SKP1: variants seen among roughly 807,000 people sequenced by gnomAD.
SKP1 encodes S-phase kinase associated protein 1.
In SKP1, 1 loss-of-function variant was observed where a neutral mutation model predicts 21.5. The ratio of observed to expected loss-of-function variants is 0.05; its 90% CI spans 0.02 to 0.22. SKP1 has a LOEUF of 0.22. Ranked by LOEUF, SKP1 falls within the 10% of genes least tolerant of loss-of-function variation. SKP1 has a pLI of 1.00. For missense variants in SKP1, 70 were observed against 192.0 expected (o/e 0.36, Z 3.76); for synonymous variants, 59 against 59.3 (o/e 0.99, Z 0.03).
intron 2 of SKP1, among the ~76,000 whole-genome samples, chr5:134,168,654 G>A (rs1040277044): frequency 5.9e-5 from 9 of 152,128 alleles, no homozygotes; most frequent in African/African-American, 1.9e-4. Flanking sequence ...TAGCTAAGGA[G>A]GTGGTAAGAA....
intron 3 of SKP1, among the ~76,000 whole-genome samples, chr5:134,164,575 T>C (rs920239115): frequency 6.6e-6 from 1 of 152,144 alleles, no homozygotes; most frequent in Non-Finnish European, 1.5e-5. Context: ...AGCTTTTGGA[T>C]GGCATTTGAA....
At position 134,173,924 on chromosome 5, in the gene SKP1, A is replaced by G. The variant is rs776917520; in HGVS notation, c.97+2T>C. 1 of 1,554,580 alleles carries G rather than the reference A, an allele frequency of 6.4e-7. No homozygotes were observed. The highest frequency in any genetic ancestry group is 2.2e-5 in the East Asian group (1 of 44,572). ...CCCACCCAGGTTTTCCAATGAACTT[A>G]CCTTCCAACATGGTCTTAATAGTCA... is the stretch of plus-strand genomic sequence containing the variant. On this transcript the variant is annotated splice_donor_variant, in intron 2 of 5. Coordinates refer to ENST00000353411, the MANE Select transcript of SKP1 (RefSeq NM_170679.3). LOFTEE classifies it high-confidence loss of function.
At chr5:134,157,848 C>G in intron 5 of SKP1, 80 bp from the exon 6 acceptor site, 1 of 1,610,648 alleles carries the variant, frequency 6.2e-7, no homozygotes, top group Non-Finnish European at 8.5e-7. Context: ...ACTGATTCAT[C>G]GATAGCCAGT....
At chr5:134,165,316 G>A (rs1182090018) in intron 3 of SKP1, among the ~76,000 whole-genome samples, 1 of 152,144 alleles carries the variant, frequency 6.6e-6, no homozygotes, top group Non-Finnish European at 1.5e-5. Context: ...AATGTAAATG[G>A]CCAGTAACAC....
At chr5:134,171,045 G>A in intron 2 of SKP1, 1 of 456,138 alleles carries the variant, frequency 2.2e-6, no homozygotes, top group Non-Finnish European at 4.4e-6. Flanking sequence ...GTGACTGTGG[G>A]ATGTACCAAG....
At position 134,151,646 on chromosome 5, in the gene SKP1, A is replaced by T; in HGVS notation, c.*6087T>A. 2.2e-6 allele frequency: 1 copy of T among 456,234 alleles called. No homozygotes were observed. The highest frequency in any genetic ancestry group is 6.9e-5 in the East Asian group (1 of 14,402). 28.3% of individuals were successfully genotyped at this position (456,234 alleles called of 1,614,324 possible). A position where few individuals can be genotyped will look rare whatever the true frequency, so the allele number is the denominator to read the frequency against. On this transcript the variant is annotated 3_prime_UTR_variant, in exon 6 of 6. Transcript: ENST00000353411. ...TATCAGAAGGTCTGAATATACTTAA[A>T]TACTTCCAGAAAATTTAAAGTTGAC...
chr5:134,167,121 TGGTGTTATATATTAAGCA>T, intron 3 of SKP1, 31 bp downstream of exon 3: 1 of 862,024 alleles, frequency 1.2e-6, no homozygotes, highest in Non-Finnish European at 1.9e-6. Flanking sequence ...ATTAATCAAT[TGGTGTTATATATTAAGCA>T]GAATAAACTT....
Position 134,150,906 on chromosome 5 carries a change from G to GTTCACA in SKP1, c.*6821_*6826dup, listed in dbSNP as rs1347381537. ...AACAGGAAACATAGATGGTGGGGAT[G>GTTCACA]TTCACATACACAGTCCCTTAGAATA... On this transcript the variant is annotated 3_prime_UTR_variant, in exon 6 of 6. Coordinates refer to ENST00000353411, the MANE Select transcript of SKP1 (RefSeq NM_170679.3). The GTTCACA allele has an allele frequency of 2.6e-5, 4 of 152,250 alleles. No individual in the cohort carries two copies. Among genetic ancestry groups the GTTCACA allele is most frequent in the Admixed American group, 1.3e-4 (2 of 15,286 alleles). The allele number at this position is 152,250 out of a possible 1,614,324, so 9.4% of individuals were successfully genotyped here.
At position 134,175,446 on chromosome 5, in the gene SKP1, G is replaced by A. The variant is rs201777463; in HGVS notation, c.-1+1409C>T. 1.8e-4 allele frequency: 27 copies of A among 152,060 alleles called. No homozygotes were observed. The East Asian group carries it at 5.2e-3, about 29-fold the overall frequency. The allele number at this position is 152,060 out of a possible 1,614,324, so 9.4% of individuals were successfully genotyped here. A position where few individuals can be genotyped will look rare whatever the true frequency, so the allele number is the denominator to read the frequency against. ...TTCCTGTGACAAGACCACAACAAAA[G>A]GTATCTCCAAAAGAAAATATTTTAA... On this transcript the variant is annotated intron_variant, in intron 1 of 5. Coordinates refer to ENST00000353411, the MANE Select transcript of SKP1 (RefSeq NM_170679.3).
chr5:134,171,703 CT>C (rs1389142051), intron 2 of SKP1, among the ~76,000 whole-genome samples: 5 of 152,214 alleles, frequency 3.3e-5, no homozygotes, highest in Admixed American at 3.3e-4. Flanking sequence ...ACCCTGTCTA[CT>C]TTACTTCAGA....
In SKP1 at chr5:134,160,977, A is replaced by G; in HGVS notation, c.315+10T>C. 1 of 1,605,806 alleles carries G rather than the reference A, an allele frequency of 6.2e-7. No homozygotes were observed. Among genetic ancestry groups the G allele is most frequent in the Non-Finnish European group, 8.5e-7 (1 of 1,175,006 alleles). Reference sequence around the variant, plus strand: ...CTAGAGTAGAGCTATCTTACACATTAAAAACTTACCAGAATGAGTTCAAAA... The same window carrying G: ...CTAGAGTAGAGCTATCTTACACATTGAAAACTTACCAGAATGAGTTCAAAA... On this transcript the variant is annotated intron_variant, in intron 4 of 5. Transcript: ENST00000353411.
intron 4 of SKP1, among the ~76,000 whole-genome samples, chr5:134,160,127 AGGTG>A (rs566096335): frequency 3.2e-3 from 481 of 151,778 alleles, no homozygotes; most frequent in African/African-American, 0.011. Flanking sequence ...AGGCCTAGGT[AGGTG>A]GATCACCTGA....
chr5:134,171,288 G>A (rs1761435757), intron 2 of SKP1, among the ~76,000 whole-genome samples: 1 of 152,032 alleles, frequency 6.6e-6, no homozygotes, highest in Non-Finnish European at 1.5e-5. Flanking sequence ...AAATCCTAAG[G>A]ACCAGTCTAC....
intron 2 of SKP1, among the ~76,000 whole-genome samples, chr5:134,173,049 G>A (rs1761475871): frequency 6.6e-6 from 1 of 150,846 alleles, no homozygotes; most frequent in Admixed American, 6.6e-5. Flanking sequence ...AAAATCAGCT[G>A]GGGCAGGGCG....
chr5:134,159,449 C>T (rs1322082633), intron 4 of SKP1, among the ~76,000 whole-genome samples: 1 of 152,114 alleles, frequency 6.6e-6, no homozygotes, highest in Non-Finnish European at 1.5e-5. Flanking sequence ...GGCGTGATCT[C>T]GGCTCACTGC....
intron 2 of SKP1, chr5:134,173,362 G>A (rs76349744): frequency 0.018 from 3,284 of 178,720 alleles, 109 homozygotes; most frequent in African/African-American, 0.074. Context: ...GTGGTGGCAC[G>A]TGCCTGTAGT....
At chr5:134,173,584 C>T (rs770881127) in intron 2 of SKP1, 42 of 390,688 alleles carry the variant, frequency 1.1e-4, no homozygotes, top group Non-Finnish European at 1.6e-4. Flanking sequence ...CATTATAGGA[C>T]GGTATCTCTT....
At chr5:134,170,868 A>G in intron 2 of SKP1, 1 of 382,130 alleles carries the variant, frequency 2.6e-6, no homozygotes. Context: ...GATAAAATAA[A>G]GAACACTTTC....
intron 1 of SKP1, 120 bp from the exon 2 acceptor site, chr5:134,174,142 T>C (rs779337789): frequency 2.9e-4 from 196 of 665,234 alleles, no homozygotes; most frequent in Non-Finnish European, 4.8e-4. Flanking sequence ...GAACCTACAA[T>C]ACATAACCCT....
Sources: allele counts gnomAD v4.1 joint callset (sites outside exome capture counted in the v4.1 genomes callset), GRCh38; gene constraint gnomAD v4.1.1; transcripts MANE v1.5; gene names NCBI Gene and HGNC (gene_info 2026-07-23, HGNC 2026-07-21).